Variants in LINGO2 observed in about 807,000 individuals in gnomAD.
LINGO2 encodes leucine rich repeat and Ig domain containing 2, also known as leucine-rich repeat and immunoglobulin-like domain-containing nogo receptor-interacting protein 2.
Under a neutral mutation model 30.6 loss-of-function variants are expected in LINGO2, and 14 were observed. The ratio of observed to expected loss-of-function variants is 0.46; its 90% confidence interval spans 0.30 to 0.72. LINGO2 has a LOEUF of 0.72. Among genes scored for constraint, LINGO2 ranks in the 30% least tolerant of loss-of-function variants. The pLI, the probability that LINGO2 is intolerant of heterozygous loss-of-function variation, is 0.07. For missense variants in LINGO2, 729 were observed against 751.7 expected (o/e 0.97, Z 0.35); for synonymous variants, 317 against 288.5 (o/e 1.10, Z -1.00).
the LINGO2 span, among the ~76,000 whole-genome samples, chr9:29,200,029 A>G: frequency 2.6e-5 from 4 of 152,138 alleles, no homozygotes; most frequent in Non-Finnish European, 4.4e-5. Context: ...TATCACCAAG[A>G]GAATCTCAGA....
At chr9:28,548,222 G>A (rs1295931485) in intron 1 of LINGO2, among the ~76,000 whole-genome samples, 1 of 152,046 alleles carries the variant, frequency 6.6e-6, no homozygotes, top group Non-Finnish European at 1.5e-5. Flanking sequence ...TCTTTGATCA[G>A]CCAAATGCAT....
At chr9:28,690,990 G>A in the LINGO2 span, among the ~76,000 whole-genome samples, 249 of 152,266 alleles carry the variant, frequency 1.6e-3, 1 homozygote, top group African/African-American at 5.9e-3. Context: ...GTTGTAGATG[G>A]AGATGGAGAA....
At chr9:28,175,879 C>G (rs968063788) in intron 4 of LINGO2, among the ~76,000 whole-genome samples, 1 of 152,168 alleles carries the variant, frequency 6.6e-6, no homozygotes, top group African/African-American at 2.4e-5. Context: ...CTGGATGAAG[C>G]TCGTTCTCTG....
chr9:28,002,836 A>T (rs1822031059), intron 5 of LINGO2, among the ~76,000 whole-genome samples: 1 of 152,080 alleles, frequency 6.6e-6, no homozygotes, highest in African/African-American at 2.4e-5. Flanking sequence ...GAAACACCAT[A>T]GATGTGCATG....
At chr9:28,847,948 C>T in the LINGO2 span, among the ~76,000 whole-genome samples, 1 of 73,650 alleles carries the variant, frequency 1.4e-5, no homozygotes, top group Admixed American at 1.7e-4. Context: ...TATATGTATG[C>T]ATATATATAC....
intron 2 of LINGO2, among the ~76,000 whole-genome samples, chr9:28,452,153 T>C (rs1306618707): frequency 1.3e-5 from 2 of 151,818 alleles, no homozygotes; most frequent in Non-Finnish European, 3.0e-5. Flanking sequence ...TTCATTGAGA[T>C]ATGATTTAGA....
chr9:28,124,958 C>G (rs1239614368), intron 4 of LINGO2, among the ~76,000 whole-genome samples: 1 of 152,144 alleles, frequency 6.6e-6, no homozygotes, highest in Non-Finnish European at 1.5e-5. Flanking sequence ...GTATTATTCA[C>G]ACTAAACACA....
chr9:29,115,205 T>C, the LINGO2 span, among the ~76,000 whole-genome samples: 2 of 152,062 alleles, frequency 1.3e-5, no homozygotes, highest in African/African-American at 4.8e-5. Context: ...AAGCAAAGTA[T>C]AGAAAAATAT....
At chr9:28,549,056 C>A (rs982439491) in intron 1 of LINGO2, among the ~76,000 whole-genome samples, 1 of 151,872 alleles carries the variant, frequency 6.6e-6, no homozygotes, top group African/African-American at 2.4e-5. Context: ...GTATACAGTT[C>A]TTTCAGATAT....
At chr9:29,100,260 C>T in the LINGO2 span, among the ~76,000 whole-genome samples, 16 of 151,938 alleles carry the variant, frequency 1.1e-4, no homozygotes, top group African/African-American at 3.4e-4. Context: ...GGACACTACA[C>T]GGGGGAGGGG....
chr9:28,885,354 T>TACACACACACACACAC, the LINGO2 span, among the ~76,000 whole-genome samples: 33 of 47,074 alleles, frequency 7.0e-4, no homozygotes, highest in Admixed American at 1.8e-3. Flanking sequence ...GGGAGATATA[T>TACACACACACACACAC]ATATATACAC....
the LINGO2 span, among the ~76,000 whole-genome samples, chr9:28,975,078 T>C: frequency 2.9e-4 from 44 of 152,100 alleles, no homozygotes; most frequent in African/African-American, 9.9e-4. Flanking sequence ...AAGATGCACA[T>C]AGTATGACTT....
intron 2 of LINGO2, among the ~76,000 whole-genome samples, chr9:28,444,645 C>T (rs1824347719): frequency 6.6e-6 from 1 of 152,198 alleles, no homozygotes; most frequent in Admixed American, 6.5e-5. Context: ...CAAGCACCAC[C>T]ATATTCCCCT....
At chr9:29,184,464 G>T in the LINGO2 span, among the ~76,000 whole-genome samples, 104 of 152,126 alleles carry the variant, frequency 6.8e-4, no homozygotes, top group Non-Finnish European at 1.1e-3. Flanking sequence ...AGAAGTAGAG[G>T]GGAGGATGCT....
intron 4 of LINGO2, among the ~76,000 whole-genome samples, chr9:28,136,741 AC>A (rs1407445888): frequency 6.6e-6 from 1 of 152,154 alleles, no homozygotes; most frequent in Admixed American, 6.5e-5. Context: ...TTGTGTGTCA[AC>A]TGGACTGGGC....
At chr9:28,581,085 A>G (rs888328894) in intron 1 of LINGO2, among the ~76,000 whole-genome samples, 3 of 152,014 alleles carry the variant, frequency 2.0e-5, no homozygotes, top group African/African-American at 7.2e-5. Flanking sequence ...CTATCTAACC[A>G]GTAGTGGGTA....
the LINGO2 span, among the ~76,000 whole-genome samples, chr9:29,029,127 G>A: frequency 6.6e-6 from 1 of 151,920 alleles, no homozygotes; most frequent in Non-Finnish European, 1.5e-5. Flanking sequence ...TTTCATCTCT[G>A]AACTCCTTAA....
chr9:28,395,428 T>C (rs1015824181), intron 2 of LINGO2, among the ~76,000 whole-genome samples: 1 of 152,190 alleles, frequency 6.6e-6, no homozygotes, highest in Admixed American at 6.5e-5. Flanking sequence ...GAGTATGTAT[T>C]CGTTGCCAAG....
chr9:28,196,234 A>C (rs1820004136), intron 4 of LINGO2, among the ~76,000 whole-genome samples: 1 of 151,618 alleles, frequency 6.6e-6, no homozygotes, highest in Non-Finnish European at 1.5e-5. Flanking sequence ...TTTATCATCA[A>C]ACTATTTAAT....
Sources: gnomAD v4.1 joint callset for allele counts (sites outside exome capture counted in the v4.1 genomes callset) on GRCh38, gnomAD v4.1.1 for gene constraint, MANE v1.5 for transcripts, NCBI Gene and HGNC (gene_info 2026-07-23, HGNC 2026-07-21) for gene names.